The following PCDH10 variants were observed in gnomAD, a reference collection of about 807,000 sequenced individuals.
PCDH10 encodes protocadherin 10, also known as protocadherin-10.
Under a neutral mutation model 74.4 loss-of-function variants are expected in PCDH10, and 15 were observed. That is an observed-to-expected ratio of 0.20 (90% CI 0.13 to 0.31). PCDH10 has a LOEUF of 0.31. Ranked by LOEUF, PCDH10 falls within the 10% of genes least tolerant of loss-of-function variation. The probability of loss-of-function intolerance (pLI) is 1.00; values close to 1 mark genes in which losing one functional copy is unlikely to be tolerated. For missense variants in PCDH10, 1,260 were observed against 1,390.2 expected (o/e 0.91, Z 1.49); for synonymous variants, 619 against 589.8 (o/e 1.05, Z -0.72).
chr4:133,183,681 T>A (rs1159343910), intron 4 of PCDH10, among the ~76,000 whole-genome samples: 3 of 152,134 alleles, frequency 2.0e-5, no homozygotes, highest in Non-Finnish European at 4.4e-5. Flanking sequence ...GATAATGAAG[T>A]AAATTTATTC....
At position 133,191,997 on chromosome 4, in the gene PCDH10, T is replaced by A. The variant is rs10000633; in HGVS notation, c.*1837T>A. 1.2e-4 allele frequency: 13 copies of A among 112,958 alleles called. No homozygotes were observed. The highest frequency in any genetic ancestry group is 5.4e-4 in the African/African-American group (10 of 18,612). 7.0% of individuals were successfully genotyped at this position (112,958 alleles called of 1,614,324 possible). On this transcript the variant is annotated 3_prime_UTR_variant, in exon 5 of 5. Transcript: ENST00000264360. ...CACACACACACACACACACACACAC[T>A]TAGGTCCTGATATGTACATTTAGAG...
intron 4 of PCDH10, among the ~76,000 whole-genome samples, chr4:133,178,780 C>G (rs1727348983): frequency 6.6e-6 from 1 of 152,034 alleles, no homozygotes; most frequent in Admixed American, 6.6e-5. Context: ...TTGTGAGTGT[C>G]TCTCTATGAA....
chr4:133,172,632 A>G (rs1053679470), intron 4 of PCDH10, among the ~76,000 whole-genome samples: 5 of 151,990 alleles, frequency 3.3e-5, no homozygotes, highest in African/African-American at 1.2e-4. Flanking sequence ...AAGCATTACT[A>G]CTATCCTAGT....
chr4:133,154,959 T>C lies in PCDH10; in HGVS notation c.2733T>C (p.Ser911=). 1 of 1,613,886 alleles carries C rather than the reference T, an allele frequency of 6.2e-7. No homozygotes were observed. The highest frequency in any genetic ancestry group is 1.1e-5 in the South Asian group (1 of 91,078). Residue 911 remains serine (S), a synonymous_variant, in exon 3 of 5, where the codon AGT becomes AGC. Transcript: ENST00000264360. ...QEADIVSSKD[S]GHGDSEQGDS... ...CCGACATAGTAAGCTCTAAGGACAGTGGTCATGGAGACAGTGAACAGGGAG... is the reference window on the plus strand; with the variant it reads ...CCGACATAGTAAGCTCTAAGGACAGCGGTCATGGAGACAGTGAACAGGGAG...
chr4:133,181,573 G>A (rs34905493), intron 4 of PCDH10, among the ~76,000 whole-genome samples: 3,252 of 151,930 alleles, frequency 0.021, 133 homozygotes, highest in East Asian at 0.17. Context: ...AAAGATTATC[G>A]TACACACTGT....
At chr4:133,161,034 T>C (rs1391249649) in intron 3 of PCDH10, among the ~76,000 whole-genome samples, 2 of 152,076 alleles carry the variant, frequency 1.3e-5, no homozygotes, top group African/African-American at 2.4e-5. Context: ...CCTTTCTTTT[T>C]TTCTTTTCAC....
chr4:133,154,184 G>C (rs563364234), intron 1 of PCDH10, 123 bp from the exon 2 acceptor site: 41 of 665,934 alleles, frequency 6.2e-5, no homozygotes, highest in African/African-American at 5.3e-4. Context: ...TTTTAGGAGA[G>C]CTTGGAAATT....
chr4:133,173,618 G>A (rs577250709), intron 4 of PCDH10, among the ~76,000 whole-genome samples: 1 of 151,878 alleles, frequency 6.6e-6, no homozygotes, highest in African/African-American at 2.4e-5. Flanking sequence ...ATGAAGAAGA[G>A]ACAATTGAAA....
In PCDH10 at chr4:133,194,216, T is replaced by C. The variant is rs1727743943; in HGVS notation, c.*4056T>C. The C allele has an allele frequency of 6.6e-6, 1 of 151,866 alleles. No individual in the cohort carries two copies. The highest frequency in any genetic ancestry group is 1.9e-4 in the East Asian group (1 of 5,202). The allele number at this position is 151,866 out of a possible 1,614,324, so 9.4% of individuals were successfully genotyped here. On this transcript the variant is annotated 3_prime_UTR_variant, in exon 5 of 5. Coordinates refer to ENST00000264360, the MANE Select transcript of PCDH10 (RefSeq NM_032961.3). The stretch of plus-strand genomic sequence containing the variant: ...TTAAGTATTTGTAAAATTAGAAAAA[T>C]TGCTTTTATTTCTTGAAAAGTTGTC...
intron 3 of PCDH10, among the ~76,000 whole-genome samples, chr4:133,161,717 T>G (rs956604408): frequency 6.6e-6 from 1 of 151,684 alleles, no homozygotes; most frequent in Non-Finnish European, 1.5e-5. Flanking sequence ...CTTTTAAAAT[T>G]TTTTTATTAT....
chr4:133,157,040 A>C (rs971798009), intron 3 of PCDH10, among the ~76,000 whole-genome samples: 3 of 152,236 alleles, frequency 2.0e-5, no homozygotes, highest in Non-Finnish European at 4.4e-5. Flanking sequence ...TTTTATCAAA[A>C]TGTTAAAATT....
In PCDH10 at chr4:133,160,352, T is replaced by A. The variant is rs541139001; in HGVS notation, c.2798-2625T>A. Among the ~76,000 whole-genome samples, 11 of 151,984 alleles carry A rather than the reference T, an allele frequency of 7.2e-5. No homozygotes were observed. In the East Asian group the frequency reaches 2.1e-3, roughly 29 times the overall value. On this transcript the variant is annotated intron_variant, in intron 3 of 4. Coordinates refer to ENST00000264360, the MANE Select transcript of PCDH10 (RefSeq NM_032961.3). ...TTAAGAACATTATTTACATGTTTAT[T>A]GCCTCTGTAGAGTGATACTGTTCAT... is the stretch of plus-strand genomic sequence containing the variant.
Position 133,160,145 on chromosome 4 carries a change from C to T in PCDH10, c.2798-2832C>T, listed in dbSNP as rs556046466. On this transcript the variant is annotated intron_variant, in intron 3 of 4. Transcript: ENST00000264360. Reference sequence around the variant, plus strand: ...CTGAAGTTTATTGATTTACTATTTACGTTGTTTTAAATGTTTGTTTCTATG... The same window carrying T: ...CTGAAGTTTATTGATTTACTATTTATGTTGTTTTAAATGTTTGTTTCTATG... 5.3e-5 allele frequency among the ~76,000 whole-genome samples: 8 copies of T among 151,884 alleles called. No individual in the cohort carries two copies. The East Asian group carries it at 5.8e-4, about 11-fold the overall frequency.
rs1442088379 is a variant in PCDH10, at chr4:133,193,020, G to A, written c.*2860G>A. ...AGTATTTCGTCAATAAATTATTTCA[G>A]AAAAAAAAATCATGTCATTTACTCC... On this transcript the variant is annotated 3_prime_UTR_variant, in exon 5 of 5. Transcript: ENST00000264360. The A allele has an allele frequency of 2.7e-5, 3 of 110,396 alleles. No individual in the cohort carries two copies. The highest frequency in any genetic ancestry group is 5.1e-5 in the Non-Finnish European group (3 of 58,288). The allele number at this position is 110,396 out of a possible 1,614,324, so 6.8% of individuals were successfully genotyped here. A position where few individuals can be genotyped will look rare whatever the true frequency, so the allele number is the denominator to read the frequency against.
chr4:133,205,490 C>A (rs1415682358), intron 2 of PCDH10, among the ~76,000 whole-genome samples: 1 of 152,180 alleles, frequency 6.6e-6, no homozygotes, highest in African/African-American at 2.4e-5. Context: ...TATTGTGGAA[C>A]TTGACGGTCC....
chr4:133,162,297 G>A (rs1726984563), intron 3 of PCDH10, among the ~76,000 whole-genome samples: 1 of 152,146 alleles, frequency 6.6e-6, no homozygotes, highest in Non-Finnish European at 1.5e-5. Context: ...TAAATAATAA[G>A]TGGTTTTTAG....
intron 2 of PCDH10, among the ~76,000 whole-genome samples, chr4:133,200,500 A>G (rs1230285008): frequency 6.6e-6 from 1 of 152,220 alleles, no homozygotes; most frequent in African/African-American, 2.4e-5. Context: ...AGTTCAACTA[A>G]TGTTTTCAAC....
At chr4:133,204,797 T>G (rs898142063) in intron 2 of PCDH10, among the ~76,000 whole-genome samples, 1 of 152,154 alleles carries the variant, frequency 6.6e-6, no homozygotes, top group East Asian at 1.9e-4. Flanking sequence ...ATTATTGGGA[T>G]GGAGAATCTG....
intron 4 of PCDH10, among the ~76,000 whole-genome samples, chr4:133,185,157 T>C (rs2125871969): frequency 6.7e-6 from 1 of 148,186 alleles, no homozygotes; most frequent in South Asian, 2.1e-4. Context: ...TGTATATATT[T>C]ATATATTTAC....
Sources: gnomAD v4.1 joint callset for allele counts (sites outside exome capture counted in the v4.1 genomes callset) on GRCh38, gnomAD v4.1.1 for gene constraint, MANE v1.5 for transcripts, NCBI Gene and HGNC (gene_info 2026-07-23, HGNC 2026-07-21) for gene names.